SELENOI: variants seen among roughly 807,000 people sequenced by gnomAD.
The protein encoded by SELENOI is ethanolaminephosphotransferase 1.
Under a neutral mutation model 50.7 loss-of-function variants are expected in SELENOI, and 24 were observed. That is an observed-to-expected ratio of 0.47 (90% CI 0.34 to 0.67). The LOEUF (loss-of-function observed/expected upper bound fraction) is 0.67, where lower values mean the gene tolerates loss of function less well. SELENOI is among the 30% of genes least tolerant of loss of function. The pLI, the probability that SELENOI is intolerant of heterozygous loss-of-function variation, is 0.01. For missense variants in SELENOI, 352 were observed against 461.4 expected (o/e 0.76, Z 2.17); for synonymous variants, 155 against 170.2 (o/e 0.91, Z 0.70).
intron 1 of SELENOI, among the ~76,000 whole-genome samples, chr2:26,353,080 G>T (rs1376972885): frequency 2.6e-5 from 4 of 152,192 alleles, no homozygotes; most frequent in African/African-American, 9.7e-5. Context: ...CTAGCTGGAG[G>T]TGGTGTAGAG....
In SELENOI at chr2:26,391,830, C is replaced by G. The variant is rs903561665; in HGVS notation, c.*2727C>G. 9 of 152,246 alleles carry G rather than the reference C, an allele frequency of 5.9e-5. No individual in the cohort carries two copies. The highest frequency in any genetic ancestry group is 1.3e-4 in the Non-Finnish European group (9 of 68,028). 9.4% of individuals were successfully genotyped at this position (152,246 alleles called of 1,614,324 possible). On this transcript the variant is annotated 3_prime_UTR_variant, in exon 10 of 10. Transcript: ENST00000260585. ...AATGCTAATGCTGCCTTTTGTGATC[C>G]TTTAATATTATCCATGCTTTTATAA...
rs1210956731 is a variant in SELENOI at position 26,346,155 on chromosome 2, C to T, written c.-78C>T. On this transcript the variant is annotated 5_prime_UTR_variant, in exon 1 of 10. Coordinates refer to ENST00000260585, the MANE Select transcript of SELENOI (RefSeq NM_033505.4). ...CAGCCCAGTCTTTGCCATCCTTGCC[C>T]AGCCGGTGTGGTGCTTGTGTGTCAC... The T allele has an allele frequency of 5.6e-6, 9 of 1,608,970 alleles. No homozygotes were observed. The highest frequency in any genetic ancestry group is 2.2e-5 in the East Asian group (1 of 44,684).
intron 6 of SELENOI, among the ~76,000 whole-genome samples, chr2:26,380,459 T>G (rs1677664572): frequency 6.6e-6 from 1 of 152,212 alleles, no homozygotes; most frequent in Admixed American, 6.5e-5. Context: ...ATAAGGAGCC[T>G]CCTCAGTCCT....
At chr2:26,351,789 A>T (rs1329418200) in intron 1 of SELENOI, among the ~76,000 whole-genome samples, 1 of 152,176 alleles carries the variant, frequency 6.6e-6, no homozygotes, top group African/African-American at 2.4e-5. Context: ...GGTCTTTAGC[A>T]AATTCCTGGC....
At chr2:26,372,129 T>G (rs1032740651) in intron 4 of SELENOI, among the ~76,000 whole-genome samples, 1 of 152,228 alleles carries the variant, frequency 6.6e-6, no homozygotes, top group Admixed American at 6.5e-5. Context: ...TTTTAATTTT[T>G]GAGACAGAGT....
intron 1 of SELENOI, among the ~76,000 whole-genome samples, chr2:26,354,493 TCTC>T (rs1490944461): frequency 4.6e-5 from 7 of 152,114 alleles, no homozygotes; most frequent in South Asian, 2.1e-4. Flanking sequence ...TTCACGCTAT[TCTC>T]CTTCTTCAGC....
chr2:26,372,228 T>G (rs910659657), intron 4 of SELENOI, among the ~76,000 whole-genome samples: 7 of 152,216 alleles, frequency 4.6e-5, no homozygotes, highest in Non-Finnish European at 8.8e-5. Flanking sequence ...TTCTCCTGCC[T>G]CAGCCTCCCG....
intron 9 of SELENOI, 22 bp from the exon 10 acceptor site, chr2:26,388,983 C>T: frequency 6.5e-7 from 1 of 1,533,150 alleles, no homozygotes; most frequent in African/African-American, 1.4e-5. Flanking sequence ...TTGTCACTGT[C>T]TCATGTTCTG....
intron 6 of SELENOI, among the ~76,000 whole-genome samples, chr2:26,380,019 T>C (rs1677651543): frequency 6.6e-6 from 1 of 152,250 alleles, no homozygotes; most frequent in Non-Finnish European, 1.5e-5. Context: ...ACTAGGTGTG[T>C]CCCGTCAGTT....
chr2:26,358,013 G>A (rs1252139563), intron 1 of SELENOI, among the ~76,000 whole-genome samples: 1 of 152,096 alleles, frequency 6.6e-6, no homozygotes, highest in African/African-American at 2.4e-5. Context: ...TTTGCCTGTC[G>A]CCAAGTAAGA....
chr2:26,346,149 C>T lies in SELENOI; in HGVS notation c.-84C>T, dbSNP rs769874444. 2 of 1,605,852 alleles carry T rather than the reference C, an allele frequency of 1.2e-6. No individual in the cohort carries two copies. Among genetic ancestry groups the T allele is most frequent in the Non-Finnish European group, 1.7e-6 (2 of 1,176,562 alleles). On this transcript the variant is annotated 5_prime_UTR_variant, in exon 1 of 10. Coordinates refer to ENST00000260585, the MANE Select transcript of SELENOI (RefSeq NM_033505.4). ...CTCGGGCAGCCCAGTCTTTGCCATC[C>T]TTGCCCAGCCGGTGTGGTGCTTGTG...
At chr2:26,383,820 G>A (rs758813102) in intron 7 of SELENOI, among the ~76,000 whole-genome samples, 38 of 152,112 alleles carry the variant, frequency 2.5e-4, no homozygotes, top group Non-Finnish European at 4.6e-4. Context: ...GTTGCAGTGA[G>A]TCGAGATCGC....
At chr2:26,352,350 T>C (rs1676977411) in intron 1 of SELENOI, among the ~76,000 whole-genome samples, 1 of 152,004 alleles carries the variant, frequency 6.6e-6, no homozygotes, top group South Asian at 2.1e-4. Flanking sequence ...AGTTAAGAAA[T>C]GTCAAAGGCC....
intron 1 of SELENOI, among the ~76,000 whole-genome samples, chr2:26,360,885 A>C (rs185161840): frequency 2.0e-5 from 3 of 152,134 alleles, no homozygotes; most frequent in Non-Finnish European, 2.9e-5. Context: ...ACAGGCTCCA[A>C]TGGAGTGATA....
intron 1 of SELENOI, chr2:26,346,526 C>T: frequency 6.5e-6 from 3 of 460,554 alleles, no homozygotes; most frequent in Non-Finnish European, 1.1e-5. Context: ...TAGGAGAGCG[C>T]TCAGTGATCA....
At chr2:26,354,633 C>T (rs1467156308) in intron 1 of SELENOI, among the ~76,000 whole-genome samples, 1 of 151,768 alleles carries the variant, frequency 6.6e-6, no homozygotes, top group Non-Finnish European at 1.5e-5. Flanking sequence ...CTTCATGATT[C>T]GCCCGCCTTG....
chr2:26,377,792 G>A (rs1279535925), intron 6 of SELENOI, among the ~76,000 whole-genome samples: 4 of 151,990 alleles, frequency 2.6e-5, no homozygotes, highest in African/African-American at 9.7e-5. Flanking sequence ...TGTCTACTGA[G>A]TCCAACATCT....
At position 26,390,440 on chromosome 2, in the gene SELENOI, G is replaced by A. The variant is rs1453271577; in HGVS notation, c.*1337G>A. On this transcript the variant is annotated 3_prime_UTR_variant, in exon 10 of 10. Coordinates refer to ENST00000260585, the MANE Select transcript of SELENOI (RefSeq NM_033505.4). ...GACAGGCTGCACTTGGATAAAATAG[G>A]CACCACTGTGTTGATATGTAATTAA... The A allele has an allele frequency of 6.6e-6, 1 of 152,426 alleles. No individual in the cohort carries two copies. The highest frequency in any genetic ancestry group is 1.5e-5 in the Non-Finnish European group (1 of 68,004). 9.4% of individuals were successfully genotyped at this position (152,426 alleles called of 1,614,324 possible).
intron 1 of SELENOI, among the ~76,000 whole-genome samples, chr2:26,356,446 A>T (rs1176338662): frequency 6.6e-6 from 1 of 152,200 alleles, no homozygotes; most frequent in East Asian, 1.9e-4. Flanking sequence ...AAGGGATTTA[A>T]ATACATGTAT....
Sources: allele counts gnomAD v4.1 joint callset (sites outside exome capture counted in the v4.1 genomes callset), GRCh38; gene constraint gnomAD v4.1.1; transcripts MANE v1.5; gene names NCBI Gene and HGNC (gene_info 2026-07-23, HGNC 2026-07-21).